Variants in B3GALNT2 observed in about 807,000 individuals in gnomAD.
B3GALNT2 encodes the protein beta-1,3-N-acetylgalactosaminyltransferase 2, also known as UDP-GalNAc:beta-1,3-N-acetylgalactosaminyltransferase 2.
In B3GALNT2, 53 loss-of-function variants were observed where a neutral mutation model predicts 61.1. That is an observed-to-expected ratio of 0.87 (90% confidence interval 0.70 to 1.09). The LOEUF is 1.09. Ranked by LOEUF, B3GALNT2 falls within the 50% of genes least tolerant of loss-of-function variation. The pLI is 0.00. For synonymous variants in B3GALNT2, 223 were observed against 237.4 expected, an observed-to-expected ratio of 0.94 and a Z score of 0.56; for missense variants, 544 against 623.0, an observed-to-expected ratio of 0.87 and a Z score of 1.35.
intron 4 of B3GALNT2, among the ~76,000 whole-genome samples, 167 bp downstream of exon 4, chr1:235,484,155 T>A (rs1572538288): frequency 6.6e-6 from 1 of 152,256 alleles, no homozygotes; most frequent in East Asian, 1.9e-4. Flanking sequence ...CCCAAACCAG[T>A]CTTATATCAC....
In B3GALNT2 at chr1:235,450,338, G is replaced by A. The variant is rs200368164; in HGVS notation, c.1371C>T (p.Asp457=). Reference sequence around the variant, plus strand: ...AGGTCTTCTCACACAGCCACAGACTGTCCTGTTGAGAAACAACCAAAGCCG... The same window carrying A: ...AGGTCTTCTCACACAGCCACAGACTATCCTGTTGAGAAACAACCAAAGCCG... ...MAAIGPKRYQ[D]SLWLCEKTCE... is the part of the protein sequence containing the mutation. The change falls in exon 12 of 12, where the codon GAC becomes GAT. Residue 457 remains aspartate (D), a splice_region_variant and synonymous_variant. Transcript: ENST00000366600. 1.7e-5 allele frequency: 27 copies of A among 1,613,774 alleles called. No homozygotes were observed. Among genetic ancestry groups the A allele is most frequent in the South Asian group, 5.5e-5 (5 of 91,066 alleles).
In B3GALNT2 at chr1:235,448,402, C is replaced by CAG. The variant is rs1385120362; in HGVS notation, c.*1803_*1804insCT. On this transcript the variant is annotated 3_prime_UTR_variant, in exon 12 of 12. Coordinates refer to ENST00000366600, the MANE Select transcript of B3GALNT2 (RefSeq NM_152490.5). ...ATTGCTGTCACGTCTTCTCAAAGTT[C>CAG]CTGTGTCAGACCTTCTGTTGTCCTA... 1 of 1,613,936 alleles carries CAG rather than the reference C, an allele frequency of 6.2e-7. No individual in the cohort carries two copies. The highest frequency in any genetic ancestry group is 2.2e-5 in the East Asian group (1 of 44,892).
chr1:235,482,897 T>C (rs1329094955), intron 4 of B3GALNT2, among the ~76,000 whole-genome samples: 1 of 152,080 alleles, frequency 6.6e-6, no homozygotes, highest in African/African-American at 2.4e-5. Flanking sequence ...AGAAAAATGT[T>C]ACCCATATTT....
At chr1:235,495,657 G>A (rs900569600) in intron 1 of B3GALNT2, among the ~76,000 whole-genome samples, 2 of 152,170 alleles carry the variant, frequency 1.3e-5, no homozygotes, top group Non-Finnish European at 2.9e-5. Flanking sequence ...AGACAGAAGA[G>A]AAAGATATAC....
chr1:235,496,252 G>T, intron 1 of B3GALNT2: 1 of 330,886 alleles, frequency 3.0e-6, no homozygotes, highest in Non-Finnish European at 5.2e-6. Flanking sequence ...TGGAGGTTGG[G>T]GTGAGCCGAG....
Position 235,448,743 on chromosome 1 carries a change from G to A in B3GALNT2, c.*1463C>T, listed in dbSNP as rs1165487843. Reference sequence around the variant, plus strand: ...TTTTATTCTGTGGAAAATGGAGATTGTCTATTAGTGCGATGGTGACAACCA... The same window carrying A: ...TTTTATTCTGTGGAAAATGGAGATTATCTATTAGTGCGATGGTGACAACCA... On this transcript the variant is annotated 3_prime_UTR_variant, in exon 12 of 12. Transcript: ENST00000366600. 2 of 1,613,380 alleles carry A rather than the reference G, an allele frequency of 1.2e-6. No homozygotes were observed. Among genetic ancestry groups the A allele is most frequent in the Non-Finnish European group, 1.7e-6 (2 of 1,179,434 alleles).
chr1:235,485,366 T>C (rs1249852072), intron 3 of B3GALNT2, among the ~76,000 whole-genome samples: 37 of 152,242 alleles, frequency 2.4e-4, no homozygotes, highest in Admixed American at 2.4e-3. Flanking sequence ...CAGGCTGCAG[T>C]GCAGTGGCAT....
chr1:235,503,490 A>T (rs147675903), intron 1 of B3GALNT2, among the ~76,000 whole-genome samples: 1 of 152,244 alleles, frequency 6.6e-6, no homozygotes, highest in South Asian at 2.1e-4. Flanking sequence ...AAAGAATTTG[A>T]TATTTCCATG....
intron 9 of B3GALNT2, 110 bp downstream of exon 9, chr1:235,455,449 C>G (rs183264605): frequency 5.0e-6 from 6 of 1,210,420 alleles, no homozygotes; most frequent in African/African-American, 3.1e-5. Flanking sequence ...GAGTCTAGTA[C>G]GAAATTGTAT....
intron 7 of B3GALNT2, chr1:235,464,513 C>T (rs1163441118): frequency 1.3e-5 from 2 of 150,828 alleles, no homozygotes; most frequent in African/African-American, 2.4e-5. Context: ...TCACTTCCCA[C>T]ATCTAGTTCA....
intron 5 of B3GALNT2, among the ~76,000 whole-genome samples, chr1:235,473,193 G>A (rs931201151): frequency 3.3e-4 from 51 of 152,350 alleles, no homozygotes; most frequent in Middle Eastern, 6.8e-3. Context: ...GATTACGGGC[G>A]TGAGCCACCG....
At chr1:235,470,116 G>A (rs891483101) in intron 6 of B3GALNT2, among the ~76,000 whole-genome samples, 3 of 151,966 alleles carry the variant, frequency 2.0e-5, no homozygotes, top group Non-Finnish European at 2.9e-5. Flanking sequence ...CCAGGCTGGT[G>A]TTAAACTCCT....
chr1:235,486,090 CA>C (rs34389303), intron 3 of B3GALNT2, among the ~76,000 whole-genome samples: 108,351 of 151,586 alleles, frequency 0.71, 39,290 homozygotes, highest in African/African-American at 0.84. Flanking sequence ...GACCCTGTCT[CA>C]AAAAAAAAGA....
chr1:235,504,269 G>C lies in B3GALNT2; in HGVS notation c.-17C>G, dbSNP rs1426397623. 9 of 1,485,340 alleles carry C rather than the reference G, an allele frequency of 6.1e-6. No individual in the cohort carries two copies. The East Asian group carries it at 2.4e-4, about 39-fold the overall frequency. 92.0% of individuals were successfully genotyped at this position (1,485,340 alleles called of 1,614,324 possible). ...GTTTCGCATTGGCCGCCCCCGCCGC[G>C]AGCCGGGCTCTCCCGCGTCCCGGCG... On this transcript the variant is annotated 5_prime_UTR_variant, in exon 1 of 12. Coordinates refer to ENST00000366600, the MANE Select transcript of B3GALNT2 (RefSeq NM_152490.5).
downstream of B3GALNT2, among the ~76,000 whole-genome samples, chr1:235,444,602 G>A (rs982571929): frequency 6.6e-6 from 1 of 151,980 alleles, no homozygotes; most frequent in Non-Finnish European, 1.5e-5. Flanking sequence ...ATGAAGCCTC[G>A]CTATGTTGCT....
intron 1 of B3GALNT2, among the ~76,000 whole-genome samples, chr1:235,497,261 T>C (rs1685371123): frequency 6.6e-6 from 1 of 152,190 alleles, no homozygotes; most frequent in South Asian, 2.1e-4. Context: ...AATATGTACA[T>C]TCTAGTGTCA....
chr1:235,446,837 G>T (rs1007555831), downstream of B3GALNT2, among the ~76,000 whole-genome samples: 4 of 151,612 alleles, frequency 2.6e-5, no homozygotes, highest in African/African-American at 9.7e-5. Flanking sequence ...GGCGTACATC[G>T]CTATGCTTGG....
intron 5 of B3GALNT2, among the ~76,000 whole-genome samples, chr1:235,477,543 T>C (rs1301027263): frequency 6.6e-6 from 1 of 151,938 alleles, no homozygotes; most frequent in Non-Finnish European, 1.5e-5. Flanking sequence ...CTGCACCCCA[T>C]GTGACTTTCT....
rs1682637147 is a variant in B3GALNT2 at position 235,448,546 on chromosome 1, G to A, written c.*1660C>T. The A allele has an allele frequency of 2.2e-6, 3 of 1,392,912 alleles. No individual in the cohort carries two copies. The allele number at this position is 1,392,912 out of a possible 1,614,324, so 86.3% of individuals were successfully genotyped here. Reference sequence around the variant, plus strand: ...AGTTTGATTCTAAATGGAGACCATGGGTCTGTTTGTTTGATTTTAAGGGTA... The same window carrying A: ...AGTTTGATTCTAAATGGAGACCATGAGTCTGTTTGTTTGATTTTAAGGGTA... On this transcript the variant is annotated 3_prime_UTR_variant, in exon 12 of 12. Coordinates refer to ENST00000366600, the MANE Select transcript of B3GALNT2 (RefSeq NM_152490.5).
Sources: gnomAD v4.1 joint callset for allele counts (sites outside exome capture counted in the v4.1 genomes callset) on GRCh38, gnomAD v4.1.1 for gene constraint, MANE v1.5 for transcripts, NCBI Gene and HGNC (gene_info 2026-07-23, HGNC 2026-07-21) for gene names.